Variants in CCSER1 observed in about 807,000 individuals in gnomAD.
CCSER1 encodes serine-rich coiled-coil domain-containing protein 1.
CCSER1 carries 41 observed loss-of-function variants against 82.0 expected under a neutral mutation model. The ratio of observed to expected loss-of-function variants is 0.50; its 90% confidence interval spans 0.39 to 0.65. The LOEUF (loss-of-function observed/expected upper bound fraction) is 0.65, where lower values mean the gene tolerates loss of function less well. CCSER1 is among the 30% of genes least tolerant of loss of function. The pLI is 0.00. For missense variants in CCSER1, 1,119 were observed against 1,064.2 expected, an observed-to-expected ratio of 1.05 and a Z score of -0.72; for synonymous variants, 414 against 383.9, an observed-to-expected ratio of 1.08 and a Z score of -0.92.
At chr4:90,604,183 G>C (rs1784349553) in intron 5 of CCSER1, among the ~76,000 whole-genome samples, 1 of 152,136 alleles carries the variant, frequency 6.6e-6, no homozygotes, top group South Asian at 2.1e-4. Flanking sequence ...AAATGGTAGG[G>C]ATAAGATTCA....
chr4:90,799,014 G>A (rs546947969), intron 7 of CCSER1, among the ~76,000 whole-genome samples: 4 of 152,344 alleles, frequency 2.6e-5, no homozygotes, highest in South Asian at 4.1e-4. Flanking sequence ...GGCAGCTGCA[G>A]CAGAGTGCCA....
chr4:91,366,713 G>A (rs1749640674), intron 10 of CCSER1, among the ~76,000 whole-genome samples: 1 of 152,092 alleles, frequency 6.6e-6, no homozygotes, highest in African/African-American at 2.4e-5. Context: ...TAATCTTATT[G>A]AACTTGCATT....
At chr4:90,156,211 A>G (rs1454906949) in intron 1 of CCSER1, among the ~76,000 whole-genome samples, 1 of 152,090 alleles carries the variant, frequency 6.6e-6, no homozygotes, top group Non-Finnish European at 1.5e-5. Context: ...CCTGAGTTCT[A>G]GTTTGATTGC....
chr4:91,494,603 T>C (rs1284838539), intron 10 of CCSER1, among the ~76,000 whole-genome samples: 1 of 151,818 alleles, frequency 6.6e-6, no homozygotes, highest in Non-Finnish European at 1.5e-5. Flanking sequence ...GAATATCATA[T>C]AGTTTACAAA....
chr4:90,954,766 T>A (rs1280337173), intron 9 of CCSER1, among the ~76,000 whole-genome samples: 4 of 145,150 alleles, frequency 2.8e-5, no homozygotes. Context: ...TTTTTATGTG[T>A]TGAGGGTATG....
intron 7 of CCSER1, among the ~76,000 whole-genome samples, chr4:90,778,527 T>TAAAAA (rs35328489): frequency 2.5e-4 from 36 of 143,414 alleles, no homozygotes; most frequent in East Asian, 1.2e-3. Context: ...ATGCATTTCT[T>TAAAAA]AAAAAAAAAA....
At chr4:91,333,429 C>T (rs1423480196) in intron 10 of CCSER1, among the ~76,000 whole-genome samples, 1 of 152,028 alleles carries the variant, frequency 6.6e-6, no homozygotes, top group African/African-American at 2.4e-5. Flanking sequence ...AACACTCTTA[C>T]ATTTGTACTT....
intron 10 of CCSER1, among the ~76,000 whole-genome samples, chr4:91,277,438 C>G (rs1277346707): frequency 6.6e-6 from 1 of 150,486 alleles, no homozygotes. Context: ...GGTATTTATC[C>G]ATTTTGTTTA....
At chr4:91,341,990 C>T (rs1747752364) in intron 10 of CCSER1, among the ~76,000 whole-genome samples, 1 of 152,042 alleles carries the variant, frequency 6.6e-6, no homozygotes, top group Non-Finnish European at 1.5e-5. Context: ...TAGGAAAGGG[C>T]ACAGAGTAAG....
At chr4:91,221,122 A>G (rs1241866043) in intron 10 of CCSER1, among the ~76,000 whole-genome samples, 1 of 152,104 alleles carries the variant, frequency 6.6e-6, no homozygotes, top group African/African-American at 2.4e-5. Context: ...GTTATTTTAC[A>G]TAGCATCATA....
chr4:90,955,164 CTA>C (rs1462787926), intron 9 of CCSER1, among the ~76,000 whole-genome samples: 3 of 152,056 alleles, frequency 2.0e-5, no homozygotes, highest in African/African-American at 7.2e-5. Flanking sequence ...AGATTTTATC[CTA>C]TGTTTTTCAT....
intron 4 of CCSER1, among the ~76,000 whole-genome samples, chr4:90,401,113 G>T (rs1283351719): frequency 2.6e-5 from 4 of 152,126 alleles, no homozygotes; most frequent in Non-Finnish European, 5.9e-5. Flanking sequence ...CAATAACAAT[G>T]TTGATATTTT....
intron 9 of CCSER1, among the ~76,000 whole-genome samples, chr4:90,939,861 TA>T (rs1487504624): frequency 6.6e-6 from 1 of 152,164 alleles, no homozygotes; most frequent in Non-Finnish European, 1.5e-5. Context: ...CTCCGTGATC[TA>T]AAATACAAAA....
At chr4:91,571,817 G>A (rs1055208315) in intron 10 of CCSER1, among the ~76,000 whole-genome samples, 1 of 152,156 alleles carries the variant, frequency 6.6e-6, no homozygotes, top group African/African-American at 2.4e-5. Context: ...TGTGGGCCCA[G>A]GCCAGAGGTT....
chr4:90,143,491 TACACACAC>T (rs56859054), intron 1 of CCSER1, among the ~76,000 whole-genome samples: 21 of 141,320 alleles, frequency 1.5e-4, no homozygotes, highest in East Asian at 4.1e-4. Context: ...AGTACACACA[TACACACAC>T]ACACACACAC....
intron 10 of CCSER1, among the ~76,000 whole-genome samples, chr4:91,245,087 G>A (rs1033889190): frequency 2.0e-5 from 3 of 151,878 alleles, no homozygotes; most frequent in Non-Finnish European, 4.4e-5. Flanking sequence ...GGAAATACAT[G>A]GTCAGAGGAG....
At chr4:90,759,888 A>T (rs1421515397) in intron 7 of CCSER1, among the ~76,000 whole-genome samples, 1 of 152,170 alleles carries the variant, frequency 6.6e-6, no homozygotes, top group Non-Finnish European at 1.5e-5. Flanking sequence ...AAATGTTAGA[A>T]TTTGACTTAC....
intron 3 of CCSER1, among the ~76,000 whole-genome samples, chr4:90,348,608 T>C (rs539728789): frequency 9.2e-5 from 14 of 152,304 alleles, no homozygotes; most frequent in African/African-American, 3.4e-4. Context: ...TTACTCAGTA[T>C]ATTAAGACAA....
At chr4:90,226,291 G>C (rs187747959) in intron 1 of CCSER1, among the ~76,000 whole-genome samples, 27 of 152,336 alleles carry the variant, frequency 1.8e-4, no homozygotes, top group Admixed American at 9.2e-4. Context: ...AAATTTGGGA[G>C]TGTTTTGTTT....
Sources: allele counts gnomAD v4.1 joint callset (sites outside exome capture counted in the v4.1 genomes callset), GRCh38; gene constraint gnomAD v4.1.1; transcripts MANE v1.5; gene names NCBI Gene and HGNC (gene_info 2026-07-23, HGNC 2026-07-21).